The following PALS2 variants were observed in gnomAD, a reference collection of about 807,000 sequenced individuals.
The protein encoded by PALS2 is protein PALS2.
PALS2 carries 27 observed loss-of-function variants against 61.6 expected under a neutral mutation model. The observed-to-expected ratio is 0.44, with a 90% CI of 0.32 to 0.60. PALS2 has a LOEUF of 0.60. PALS2 is among the 20% of genes least tolerant of loss of function. The probability of loss-of-function intolerance (pLI) is 0.05; values close to 1 mark genes in which losing one functional copy is unlikely to be tolerated. For missense variants in PALS2, 554 were observed against 639.4 expected, an observed-to-expected ratio of 0.87 and a Z score of 1.44; for synonymous variants, 236 against 218.6, an observed-to-expected ratio of 1.08 and a Z score of -0.70.
intron 11 of PALS2, among the ~76,000 whole-genome samples, chr7:24,684,306 G>T (rs934617498): frequency 6.6e-6 from 1 of 152,154 alleles, no homozygotes; most frequent in Non-Finnish European, 1.5e-5. Context: ...CACCATGTTG[G>T]CCAGGGAGAT....
At chr7:24,611,080 A>G (rs912093975) in intron 1 of PALS2, among the ~76,000 whole-genome samples, 2 of 152,144 alleles carry the variant, frequency 1.3e-5, no homozygotes, top group African/African-American at 2.4e-5. Flanking sequence ...GGCCTAGTAT[A>G]TTAAGAATAG....
chr7:24,587,871 A>G (rs938493799), intron 1 of PALS2, among the ~76,000 whole-genome samples: 3 of 152,196 alleles, frequency 2.0e-5, no homozygotes, highest in Admixed American at 6.5e-5. Flanking sequence ...TGAGCAAGAA[A>G]AGTGGAGTGA....
intron 9 of PALS2, 63 bp from the exon 10 acceptor site, chr7:24,679,068 T>A: frequency 6.8e-7 from 1 of 1,464,314 alleles, no homozygotes; most frequent in Non-Finnish European, 9.5e-7. Context: ...CCCTATGTAT[T>A]TTAGTCTATT....
Position 24,624,881 on chromosome 7 carries a change from T to C in PALS2, c.117+1097T>C, listed in dbSNP as rs113573023. Among the ~76,000 whole-genome samples the C allele has an allele frequency of 7.8e-3, 1,184 of 152,272 alleles. 31 individuals carry two copies. In the East Asian group the frequency reaches 0.091, roughly 12 times the overall value. On this transcript the variant is annotated intron_variant, in intron 2 of 11. Coordinates refer to ENST00000222644, the MANE Select transcript of PALS2 (RefSeq NM_001303037.2). ...CCTTGGCCTCCTGGGATTACAGGCA[T>C]AAGCCACCAGGCCCGGCCAATGATA...
At chr7:24,600,320 G>A (rs1419706550) in intron 1 of PALS2, among the ~76,000 whole-genome samples, 4 of 152,066 alleles carry the variant, frequency 2.6e-5, no homozygotes, top group Non-Finnish European at 5.9e-5. Flanking sequence ...GTAGTCTTTG[G>A]TCGACTGAAA....
chr7:24,623,994 AC>A (rs1473755617), intron 2 of PALS2: 1 of 1,131,664 alleles, frequency 8.8e-7, no homozygotes, highest in Non-Finnish European at 1.3e-6. Flanking sequence ...GGATGAAATG[AC>A]TCTTAGTTTT....
rs756725066 is a variant in PALS2 at position 24,690,535 on chromosome 7, T to TA, written c.*2922dup. 2.6e-5 allele frequency: 4 copies of TA among 152,210 alleles called. No individual in the cohort carries two copies. The highest frequency in any genetic ancestry group is 4.4e-5 in the Non-Finnish European group (3 of 68,042). 9.4% of individuals were successfully genotyped at this position (152,210 alleles called of 1,614,324 possible). A position where few individuals can be genotyped will look rare whatever the true frequency, so the allele number is the denominator to read the frequency against. ...CATTTCAGCACTCAGGGCATGACTG[T>TA]ACACAACCTAAGACTATATATATAT... On this transcript the variant is annotated 3_prime_UTR_variant, in exon 12 of 12. Transcript: ENST00000222644.
chr7:24,591,127 A>G (rs1413204120), intron 1 of PALS2, among the ~76,000 whole-genome samples: 1 of 152,058 alleles, frequency 6.6e-6, no homozygotes, highest in African/African-American at 2.4e-5. Flanking sequence ...GAGGGAGGGA[A>G]CATAGGCATG....
chr7:24,637,285 C>A (rs951256625), intron 2 of PALS2, among the ~76,000 whole-genome samples: 2 of 142,310 alleles, frequency 1.4e-5, no homozygotes, highest in African/African-American at 2.6e-5. Flanking sequence ...GATTTACTTA[C>A]ACTTACTCAT....
At chr7:24,636,520 GAGA>G (rs1195427402) in intron 2 of PALS2, among the ~76,000 whole-genome samples, 2 of 152,158 alleles carry the variant, frequency 1.3e-5, no homozygotes, top group African/African-American at 4.8e-5. Context: ...ATAGCTAGAA[GAGA>G]AGATTGTGAA....
chr7:24,650,795 A>G (rs564349040), intron 5 of PALS2, 83 bp downstream of exon 5: 8 of 981,034 alleles, frequency 8.2e-6, no homozygotes, highest in Admixed American at 3.1e-5. Flanking sequence ...AGTTGCTACT[A>G]TTTTGCTAAA....
chr7:24,617,550 G>C (rs1784336454), intron 1 of PALS2, among the ~76,000 whole-genome samples: 1 of 152,134 alleles, frequency 6.6e-6, no homozygotes, highest in Non-Finnish European at 1.5e-5. Flanking sequence ...TTAGAGTATT[G>C]GTTGCGTGGG....
chr7:24,636,807 G>C (rs1287496156), intron 2 of PALS2, among the ~76,000 whole-genome samples: 1 of 151,970 alleles, frequency 6.6e-6, no homozygotes, highest in Non-Finnish European at 1.5e-5. Flanking sequence ...TCGTAAGTAG[G>C]GAAATTAGCT....
At chr7:24,578,515 G>A (rs1037494341) in intron 1 of PALS2, among the ~76,000 whole-genome samples, 2 of 152,190 alleles carry the variant, frequency 1.3e-5, no homozygotes, top group African/African-American at 2.4e-5. Context: ...CAAGGACTGG[G>A]ACTCCAGTGC....
At chr7:24,626,295 A>G (rs1453615103) in intron 2 of PALS2, among the ~76,000 whole-genome samples, 1 of 152,118 alleles carries the variant, frequency 6.6e-6, no homozygotes, top group Admixed American at 6.6e-5. Context: ...TCAAGCAAAA[A>G]CTAATAGAGA....
intron 6 of PALS2, among the ~76,000 whole-genome samples, chr7:24,664,061 GTTTAT>G (rs1312247098): frequency 2.6e-5 from 4 of 152,092 alleles, no homozygotes; most frequent in African/African-American, 9.7e-5. Flanking sequence ...CTTGGGTTTT[GTTTAT>G]TTTAAGTAGG....
chr7:24,583,110 C>T (rs1263202038), intron 1 of PALS2, among the ~76,000 whole-genome samples: 1 of 151,816 alleles, frequency 6.6e-6, no homozygotes, highest in Non-Finnish European at 1.5e-5. Context: ...CCAGGATGGT[C>T]CTGAACTCCT....
At chr7:24,670,801 G>T (rs1787259318) in intron 9 of PALS2, among the ~76,000 whole-genome samples, 4 of 152,150 alleles carry the variant, frequency 2.6e-5, no homozygotes, top group Non-Finnish European at 5.9e-5. Context: ...ACAATATGTG[G>T]TGTTTTGTGA....
chr7:24,601,816 A>T (rs997511753), intron 1 of PALS2, among the ~76,000 whole-genome samples: 4 of 152,090 alleles, frequency 2.6e-5, no homozygotes, highest in African/African-American at 9.7e-5. Flanking sequence ...AGATGTCATC[A>T]TTGAGCCATT....
Sources: allele counts gnomAD v4.1 joint callset (sites outside exome capture counted in the v4.1 genomes callset), GRCh38; gene constraint gnomAD v4.1.1; transcripts MANE v1.5; gene names NCBI Gene and HGNC (gene_info 2026-07-23, HGNC 2026-07-21).